Variants in PTBP3 observed in about 807,000 individuals in gnomAD.
PTBP3 encodes the protein polypyrimidine tract-binding protein 3.
In PTBP3, 20 loss-of-function variants were observed where a neutral mutation model predicts 58.7. That is an observed-to-expected ratio of 0.34 (90% confidence interval 0.24 to 0.50). The LOEUF (loss-of-function observed/expected upper bound fraction) is 0.50. Among genes scored for constraint, PTBP3 ranks in the 20% least tolerant of loss-of-function variants. PTBP3 has a pLI of 0.98. For synonymous variants in PTBP3, 185 were observed against 219.8 expected, an observed-to-expected ratio of 0.84 and a Z score of 1.40; for missense variants, 509 against 637.2, an observed-to-expected ratio of 0.80 and a Z score of 2.17.
chr9:112,257,661 G>A (rs1420155791), intron 5 of PTBP3, among the ~76,000 whole-genome samples: 5 of 152,016 alleles, frequency 3.3e-5, no homozygotes, highest in Non-Finnish European at 5.9e-5. Flanking sequence ...TATTCATGGC[G>A]AGGCGCAGTG....
intron 3 of PTBP3, 62 bp from the exon 4 acceptor site, chr9:112,268,257 T>C (rs917794562): frequency 6.5e-7 from 1 of 1,538,834 alleles, no homozygotes; most frequent in Non-Finnish European, 8.7e-7. Context: ...TTAAGATATA[T>C]TTTGCCATTC....
At chr9:112,306,458 G>GC (rs1829216403) in intron 1 of PTBP3, among the ~76,000 whole-genome samples, 1 of 41,484 alleles carries the variant, frequency 2.4e-5, no homozygotes, top group African/African-American at 1.5e-4. Flanking sequence ...CTGTGCCTGG[G>GC]CAAAAAAAAA....
the PTBP3 span, among the ~76,000 whole-genome samples, chr9:112,340,062 T>G: frequency 6.6e-6 from 1 of 152,128 alleles, no homozygotes; most frequent in Non-Finnish European, 1.5e-5. Flanking sequence ...CCTTCCAGGC[T>G]CAGGTGATCC....
chr9:112,305,783 A>G (rs2132354108), intron 1 of PTBP3, among the ~76,000 whole-genome samples: 1 of 152,210 alleles, frequency 6.6e-6, no homozygotes, highest in African/African-American at 2.4e-5. Flanking sequence ...TACCAAAAAT[A>G]CAAAAAATGA....
chr9:112,225,742 C>A (rs1216552898), intron 12 of PTBP3, among the ~76,000 whole-genome samples: 1 of 152,050 alleles, frequency 6.6e-6, no homozygotes, highest in African/African-American at 2.4e-5. Flanking sequence ...CCAGCTCCTG[C>A]GTGATGTGGT....
In PTBP3 at chr9:112,237,177, A is replaced by G. The variant is rs185520415; in HGVS notation, c.803-2280T>C. Among the ~76,000 whole-genome samples the G allele has an allele frequency of 1.6e-4, 24 of 152,340 alleles. No homozygotes were observed. The East Asian group carries it at 3.9e-3, about 24-fold the overall frequency. ...ATTTGAATAACTGTTTCCATGTAAA[A>G]TAAGATTAATAAGAACATTTGCTAA... On this transcript the variant is annotated intron_variant, in intron 7 of 13. Coordinates refer to ENST00000374257, the MANE Select transcript of PTBP3 (RefSeq NM_001163788.4).
At chr9:112,269,166 C>T in intron 3 of PTBP3, among the ~76,000 whole-genome samples, 1 of 144,524 alleles carries the variant, frequency 6.9e-6, no homozygotes, top group East Asian at 2.0e-4. Flanking sequence ...CATTGCACTC[C>T]AGCCTGGGTG....
At chr9:112,266,179 A>T (rs1266330127) in intron 4 of PTBP3, among the ~76,000 whole-genome samples, 1 of 152,160 alleles carries the variant, frequency 6.6e-6, no homozygotes, top group Non-Finnish European at 1.5e-5. Flanking sequence ...TCTAGAGACT[A>T]AGTGTGGTGG....
At chr9:112,233,272 GGTGTGTGTGT>G (rs72086685) in intron 8 of PTBP3, among the ~76,000 whole-genome samples, 3,638 of 144,356 alleles carry the variant, frequency 0.025, 96 homozygotes, top group Admixed American at 0.072. Flanking sequence ...TACACTGTAG[GGTGTGTGTGT>G]GTGTGTGTGT....
At chr9:112,267,803 A>T (rs946718069) in intron 4 of PTBP3, among the ~76,000 whole-genome samples, 2 of 152,162 alleles carry the variant, frequency 1.3e-5, no homozygotes, top group Non-Finnish European at 2.9e-5. Context: ...GATGTACATA[A>T]CAATAAATAT....
intron 2 of PTBP3, 22 bp downstream of exon 2, chr9:112,297,810 T>TTA (rs1554800851): frequency 4.3e-6 from 5 of 1,169,364 alleles, no homozygotes; most frequent in African/African-American, 2.0e-5. Context: ...AATCAAATAT[T>TTA]AAAAAAAAAA....
chr9:112,332,860 C>A (rs1202571615), intron 1 of PTBP3: 2 of 1,610,620 alleles, frequency 1.2e-6, no homozygotes, highest in Admixed American at 1.7e-5. Context: ...TAAGTCCAGA[C>A]CCCTGGTGTC....
chr9:112,324,548 C>T (rs1270136261), intron 1 of PTBP3, among the ~76,000 whole-genome samples: 1 of 152,048 alleles, frequency 6.6e-6, no homozygotes, highest in Non-Finnish European at 1.5e-5. Context: ...TAGTTGGGTG[C>T]CTGAGGCACG....
chr9:112,366,139 T>C, the PTBP3 span, among the ~76,000 whole-genome samples: 1 of 151,778 alleles, frequency 6.6e-6, no homozygotes, highest in South Asian at 2.1e-4. Flanking sequence ...AAAAATTAGC[T>C]GGGTGTGGGG....
At chr9:112,330,424 T>C (rs770582450) in intron 1 of PTBP3, 73 of 1,480,542 alleles carry the variant, frequency 4.9e-5, no homozygotes, top group Non-Finnish European at 6.0e-5. Flanking sequence ...TATGAAAGGA[T>C]AGTAAAAGAT....
At position 112,333,565 on chromosome 9, in the gene PTBP3, G is replaced by A; in HGVS notation, c.-147C>T. 2.0e-6 allele frequency: 3 copies of A among 1,492,950 alleles called. No individual in the cohort carries two copies. In the South Asian group the frequency reaches 3.6e-5, roughly 18 times the overall value. The allele number at this position is 1,492,950 out of a possible 1,614,324, so 92.5% of individuals were successfully genotyped here. On this transcript the variant is annotated 5_prime_UTR_variant, in exon 1 of 14. Coordinates refer to ENST00000374257, the MANE Select transcript of PTBP3 (RefSeq NM_001163788.4). ...GCGGCGGCAGCAGGGCGGTTCCGGG[G>A]ACAAGCGAGCTTTGGCTCTGCGGAG...
chr9:112,379,138 G>T, the PTBP3 span, among the ~76,000 whole-genome samples: 2 of 152,318 alleles, frequency 1.3e-5, no homozygotes, highest in South Asian at 2.1e-4. Context: ...ACAATGAGCC[G>T]AGATCCGCGC....
chr9:112,317,899 C>T (rs1829771400), intron 1 of PTBP3, among the ~76,000 whole-genome samples: 1 of 151,994 alleles, frequency 6.6e-6, no homozygotes, highest in Non-Finnish European at 1.5e-5. Flanking sequence ...GCCAAGATCG[C>T]GCCACTGCAC....
intron 4 of PTBP3, 84 bp downstream of exon 4, chr9:112,267,965 A>G (rs1219841822): frequency 7.9e-7 from 1 of 1,267,948 alleles, no homozygotes; most frequent in Non-Finnish European, 1.1e-6. Context: ...ATAAAAGCAC[A>G]TAATTTTTCT....
Sources: gnomAD v4.1 joint callset for allele counts (sites outside exome capture counted in the v4.1 genomes callset) on GRCh38, gnomAD v4.1.1 for gene constraint, MANE v1.5 for transcripts, NCBI Gene and HGNC (gene_info 2026-07-23, HGNC 2026-07-21) for gene names.